Variants in NPAS3 observed in about 807,000 individuals in gnomAD.
The protein encoded by NPAS3 is neuronal PAS domain protein 3.
A neutral mutation model predicts 73.1 loss-of-function variants in NPAS3; 14 were observed. The observed-to-expected ratio is 0.19, with a 90% CI of 0.13 to 0.30. NPAS3 has a LOEUF of 0.30. Among genes scored for constraint, NPAS3 ranks in the 10% least tolerant of loss-of-function variants. NPAS3 has a pLI of 1.00. For synonymous variants in NPAS3, 620 were observed against 541.5 expected (o/e 1.14, Z -2.01); for missense variants, 1,096 against 1,250.0 (o/e 0.88, Z 1.86).
At chr14:33,734,018 G>A (rs1466187007) in intron 6 of NPAS3, among the ~76,000 whole-genome samples, 1 of 152,032 alleles carries the variant, frequency 6.6e-6, no homozygotes, top group East Asian at 1.9e-4. Flanking sequence ...AGAAATATAT[G>A]GAATGCATTT....
At chr14:33,506,717 A>G (rs1427235372) in intron 4 of NPAS3, among the ~76,000 whole-genome samples, 2 of 152,084 alleles carry the variant, frequency 1.3e-5, no homozygotes, top group African/African-American at 4.8e-5. Context: ...TATCATAAGC[A>G]TTAAATATTT....
intron 4 of NPAS3, among the ~76,000 whole-genome samples, chr14:33,464,978 T>A (rs1166867476): frequency 2.6e-5 from 4 of 152,220 alleles, no homozygotes; most frequent in African/African-American, 7.2e-5. Flanking sequence ...CATGCCATGA[T>A]GATTATCTTT....
chr14:32,975,261 T>G (rs1595131120), intron 1 of NPAS3, among the ~76,000 whole-genome samples: 1 of 75,214 alleles, frequency 1.3e-5, no homozygotes, highest in Non-Finnish European at 3.6e-5. Context: ...AGTATGGTTG[T>G]TTTTTTTCTT....
chr14:32,946,348 G>GCACACACA (rs3057257), intron 1 of NPAS3, among the ~76,000 whole-genome samples: 2,621 of 139,370 alleles, frequency 0.019, 48 homozygotes, highest in Non-Finnish European at 0.024. Context: ...ACACACACGC[G>GCACACACA]CACACACACA....
At chr14:33,587,053 TTAAA>T (rs1032034665) in intron 5 of NPAS3, among the ~76,000 whole-genome samples, 48 of 152,306 alleles carry the variant, frequency 3.2e-4, no homozygotes, top group African/African-American at 1.1e-3. Flanking sequence ...TCCTAGCCTC[TTAAA>T]TAGTTTCATT....
At chr14:33,000,686 G>C (rs1351532210) in intron 1 of NPAS3, among the ~76,000 whole-genome samples, 1 of 152,206 alleles carries the variant, frequency 6.6e-6, no homozygotes, top group Non-Finnish European at 1.5e-5. Flanking sequence ...CATGATAACA[G>C]ATAAAATAAA....
At chr14:33,284,520 T>C (rs2140079041) in intron 3 of NPAS3, among the ~76,000 whole-genome samples, 1 of 152,302 alleles carries the variant, frequency 6.6e-6, no homozygotes, top group East Asian at 1.9e-4. Context: ...TATGTATAGA[T>C]GCTTGATTTG....
chr14:33,196,333 G>T (rs1024139291), intron 2 of NPAS3, among the ~76,000 whole-genome samples: 1 of 152,182 alleles, frequency 6.6e-6, no homozygotes, highest in African/African-American at 2.4e-5. Flanking sequence ...CTGATAGCAT[G>T]AACGGCAAAG....
intron 5 of NPAS3, among the ~76,000 whole-genome samples, chr14:33,592,703 G>A (rs2057110700): frequency 6.6e-6 from 1 of 152,194 alleles, no homozygotes; most frequent in Non-Finnish European, 1.5e-5. Flanking sequence ...AGGGGACTAG[G>A]AAGTCTTAAA....
chr14:33,044,945 A>T (rs1250639367), intron 1 of NPAS3, among the ~76,000 whole-genome samples: 2 of 152,126 alleles, frequency 1.3e-5, no homozygotes, highest in Non-Finnish European at 2.9e-5. Flanking sequence ...AGGTTCCTTC[A>T]GTTTCCAGAG....
intron 5 of NPAS3, among the ~76,000 whole-genome samples, chr14:33,627,653 A>G (rs2058259808): frequency 6.6e-6 from 1 of 152,240 alleles, no homozygotes; most frequent in South Asian, 2.1e-4. Flanking sequence ...ACAGTTTCCT[A>G]CAAGAACATC....
intron 1 of NPAS3, among the ~76,000 whole-genome samples, chr14:32,996,062 G>T (rs1389070737): frequency 2.0e-5 from 3 of 152,206 alleles, no homozygotes; most frequent in South Asian, 4.1e-4. Flanking sequence ...TCCAGGCTGA[G>T]GTGGTCTCAA....
Position 33,346,179 on chromosome 14 carries a change from T to C in NPAS3, c.386-21007T>C, listed in dbSNP as rs185112381. Among the ~76,000 whole-genome samples, 118 of 149,164 alleles carry C rather than the reference T, an allele frequency of 7.9e-4. 1 individual carries two copies. The highest frequency in any genetic ancestry group is 2.8e-3 in the African/African-American group (113 of 40,202). The stretch of plus-strand genomic sequence containing the variant: ...GGCAGAGGTTGCAGTGAGCTGAAAT[T>C]GAGCCACTGCACTCCAGCCTGGGCG... On this transcript the variant is annotated intron_variant, in intron 3 of 11. Transcript: ENST00000356141.
At chr14:33,171,915 G>A (rs1380954716) in intron 2 of NPAS3, among the ~76,000 whole-genome samples, 1 of 152,138 alleles carries the variant, frequency 6.6e-6, no homozygotes, top group Non-Finnish European at 1.5e-5. Context: ...AGCCATTGCA[G>A]GGGTACTAAT....
intron 3 of NPAS3, among the ~76,000 whole-genome samples, chr14:33,313,396 AACC>A (rs2043083443): frequency 6.6e-6 from 1 of 152,028 alleles, no homozygotes; most frequent in Non-Finnish European, 1.5e-5. Flanking sequence ...CTAAGAGAGA[AACC>A]AGTCAGAATA....
chr14:33,000,022 C>G (rs2038746672), intron 1 of NPAS3, among the ~76,000 whole-genome samples: 1 of 152,102 alleles, frequency 6.6e-6, no homozygotes, highest in Non-Finnish European at 1.5e-5. Context: ...ACCTAGTACA[C>G]AAAGGAGAGA....
chr14:33,500,435 C>A (rs551799854), intron 4 of NPAS3, among the ~76,000 whole-genome samples: 29 of 151,886 alleles, frequency 1.9e-4, no homozygotes, highest in African/African-American at 6.8e-4. Flanking sequence ...ATCAGTGCAG[C>A]GGAACCATCT....
At chr14:33,516,466 G>A (rs926359622) in intron 4 of NPAS3, among the ~76,000 whole-genome samples, 8 of 152,112 alleles carry the variant, frequency 5.3e-5, no homozygotes, top group Non-Finnish European at 1.2e-4. Context: ...TCGTAGCTAC[G>A]TGATTCTTTC....
chr14:33,091,629 G>A lies in NPAS3; in HGVS notation c.140+35635G>A, dbSNP rs555629909. On this transcript the variant is annotated intron_variant, in intron 2 of 11. Transcript: ENST00000356141. ...AATAGAAAAAGAGGGAATGAGGCCA[G>A]CATCATCCTGATACCAAAGCCTGGT... is the stretch of plus-strand genomic sequence containing the variant. 1.8e-3 allele frequency among the ~76,000 whole-genome samples: 277 copies of A among 151,424 alleles called. 1 individual carries two copies. The highest frequency in any genetic ancestry group is 6.2e-3 in the African/African-American group (258 of 41,438).
Sources: gnomAD v4.1 joint callset for allele counts (sites outside exome capture counted in the v4.1 genomes callset) on GRCh38, gnomAD v4.1.1 for gene constraint, MANE v1.5 for transcripts, NCBI Gene and HGNC (gene_info 2026-07-23, HGNC 2026-07-21) for gene names.